Variants in NRXN3 observed in about 807,000 individuals in gnomAD.
NRXN3 encodes neurexin 3, also known as neurexin III.
In NRXN3, 32 loss-of-function variants were observed where a neutral mutation model predicts 137.6. The observed-to-expected ratio is 0.23, with a 90% CI of 0.18 to 0.31. The LOEUF is 0.31. NRXN3 is among the 10% of genes least tolerant of loss of function. The pLI is 1.00. For synonymous variants in NRXN3, 798 were observed against 784.5 expected (o/e 1.02, Z -0.29); for missense variants, 1,574 against 2,062.5 (o/e 0.76, Z 4.59).
intron 4 of NRXN3, among the ~76,000 whole-genome samples, chr14:78,367,555 G>A (rs888553224): frequency 3.3e-5 from 5 of 152,216 alleles, no homozygotes; most frequent in Admixed American, 2.0e-4. Flanking sequence ...GACCCTGTGT[G>A]TGAGGTCTTT....
intron 20 of NRXN3, among the ~76,000 whole-genome samples, chr14:79,817,427 C>T (rs1036759877): frequency 1.3e-5 from 2 of 152,198 alleles, no homozygotes; most frequent in Admixed American, 6.5e-5. Flanking sequence ...TCTAGGCTTT[C>T]TCCTATAGGT....
chr14:79,608,525 C>T (rs188045097), intron 16 of NRXN3, among the ~76,000 whole-genome samples: 1 of 152,260 alleles, frequency 6.6e-6, no homozygotes, highest in Non-Finnish European at 1.5e-5. Flanking sequence ...CCCTCAGTTT[C>T]ACTGTGTCAC....
chr14:79,648,902 C>A (rs770768413), intron 16 of NRXN3, among the ~76,000 whole-genome samples: 17 of 152,142 alleles, frequency 1.1e-4, no homozygotes, highest in Non-Finnish European at 7.4e-5. Flanking sequence ...TGTGTCTATG[C>A]TTGTAGCTAG....
intron 15 of NRXN3, among the ~76,000 whole-genome samples, chr14:79,121,045 A>T (rs2055335962): frequency 6.6e-6 from 1 of 152,188 alleles, no homozygotes; most frequent in Admixed American, 6.5e-5. Flanking sequence ...TACAGATGGA[A>T]TGCAGCAAAG....
chr14:79,443,787 T>G lies in NRXN3; in HGVS notation c.3263-23434T>G, dbSNP rs149674692. Reference sequence around the variant, plus strand: ...GTTCTCAACATCAGCTACTTCTCATTACTAAGTAAAAGCCAGATTACTTAA... The same window carrying G: ...GTTCTCAACATCAGCTACTTCTCATGACTAAGTAAAAGCCAGATTACTTAA... On this transcript the variant is annotated intron_variant, in intron 15 of 20. Transcript: ENST00000335750. Among the ~76,000 whole-genome samples, 1,049 of 152,320 alleles carry G rather than the reference T, an allele frequency of 6.9e-3. 8 individuals are homozygous for G. Among genetic ancestry groups the G allele is most frequent in the African/African-American group, 0.024 (981 of 41,572 alleles).
At chr14:79,081,194 A>T (rs1191103449) in intron 15 of NRXN3, among the ~76,000 whole-genome samples, 1 of 152,236 alleles carries the variant, frequency 6.6e-6, no homozygotes, top group African/African-American at 2.4e-5. Flanking sequence ...TATAGTTAGC[A>T]AGTGTAGGTG....
intron 10 of NRXN3, among the ~76,000 whole-genome samples, chr14:78,854,788 TG>T (rs948516831): frequency 2.6e-5 from 4 of 152,160 alleles, no homozygotes; most frequent in Non-Finnish European, 5.9e-5. Flanking sequence ...TAGAGATATA[TG>T]GGCTGGGCAC....
chr14:78,215,105 G>A (rs915720716), intron 1 of NRXN3, among the ~76,000 whole-genome samples: 6 of 152,092 alleles, frequency 3.9e-5, no homozygotes, highest in Non-Finnish European at 5.9e-5. Flanking sequence ...ACTGTGCCAC[G>A]TCTTAGTATT....
At position 79,277,811 on chromosome 14, in the gene NRXN3, C is replaced by T. The variant is rs190068077; in HGVS notation, c.3263-189410C>T. Among the ~76,000 whole-genome samples, 226 of 152,274 alleles carry T rather than the reference C, an allele frequency of 1.5e-3. 2 individuals are homozygous for T. Among genetic ancestry groups the T allele is most frequent in the African/African-American group, 5.0e-3 (209 of 41,552 alleles). On this transcript the variant is annotated intron_variant, in intron 15 of 20. Transcript: ENST00000335750. ...GGCCATTTCCTGGGGGGCTGTGGAT[C>T]CTGGACCACCCTTACAAATGAGAGC...
chr14:78,391,457 C>G (rs564023872), intron 4 of NRXN3, among the ~76,000 whole-genome samples: 2 of 152,218 alleles, frequency 1.3e-5, no homozygotes, highest in South Asian at 2.1e-4. Flanking sequence ...CCATATCTCT[C>G]TAAGGATAGA....
chr14:79,269,844 A>G (rs12433520), intron 15 of NRXN3, among the ~76,000 whole-genome samples: 36 of 152,350 alleles, frequency 2.4e-4, no homozygotes, highest in Admixed American at 1.2e-3. Flanking sequence ...AAAATTGTTA[A>G]TAAGTCTACA....
chr14:78,806,255 A>C (rs1006735649), intron 9 of NRXN3, among the ~76,000 whole-genome samples: 5 of 152,124 alleles, frequency 3.3e-5, no homozygotes, highest in Admixed American at 6.6e-5. Context: ...CCAACCTGAC[A>C]TGGAAAACTG....
intron 8 of NRXN3, among the ~76,000 whole-genome samples, chr14:78,763,961 A>G (rs1434887170): frequency 6.6e-6 from 1 of 152,184 alleles, no homozygotes; most frequent in East Asian, 1.9e-4. Flanking sequence ...GACATTTCTG[A>G]TAGTTGACTG....
At chr14:79,024,676 G>A (rs1362223485) in intron 15 of NRXN3, among the ~76,000 whole-genome samples, 1 of 152,078 alleles carries the variant, frequency 6.6e-6, no homozygotes, top group Non-Finnish European at 1.5e-5. Flanking sequence ...GCCTTTCAGG[G>A]CTTGGTAAAA....
intron 15 of NRXN3, chr14:79,280,609 T>G: frequency 7.2e-7 from 1 of 1,394,808 alleles, no homozygotes; most frequent in African/African-American, 1.4e-5. Flanking sequence ...TTGCAGGTAG[T>G]GTCAAAGGTG....
At chr14:79,095,212 G>A (rs2050079448) in intron 15 of NRXN3, among the ~76,000 whole-genome samples, 1 of 152,130 alleles carries the variant, frequency 6.6e-6, no homozygotes. Context: ...TAGCAGTAGG[G>A]ACTTGGGTAT....
At chr14:78,682,873 A>G (rs950015429) in intron 6 of NRXN3, among the ~76,000 whole-genome samples, 2 of 152,178 alleles carry the variant, frequency 1.3e-5, no homozygotes, top group Non-Finnish European at 2.9e-5. Context: ...CCACTTCCTC[A>G]CTAGCTCTTC....
chr14:79,276,265 T>C (rs2080263807), intron 15 of NRXN3, among the ~76,000 whole-genome samples: 1 of 152,162 alleles, frequency 6.6e-6, no homozygotes, highest in Non-Finnish European at 1.5e-5. Context: ...GAAATAGGAA[T>C]GTGTTAACTA....
intron 20 of NRXN3, among the ~76,000 whole-genome samples, chr14:79,808,914 G>A (rs2099221421): frequency 6.6e-6 from 1 of 152,084 alleles, no homozygotes; most frequent in African/African-American, 2.4e-5. Flanking sequence ...CCACGGTTTG[G>A]TATAGCTTAA....
Sources: gnomAD v4.1 joint callset for allele counts (sites outside exome capture counted in the v4.1 genomes callset) on GRCh38, gnomAD v4.1.1 for gene constraint, MANE v1.5 for transcripts, NCBI Gene and HGNC (gene_info 2026-07-23, HGNC 2026-07-21) for gene names.